Variants in SAV1 observed in about 807,000 individuals in gnomAD.
SAV1 encodes the protein salvador family WW domain containing protein 1.
Under a neutral mutation model 47.3 loss-of-function variants are expected in SAV1, and 23 were observed. That is an observed-to-expected ratio of 0.49 (90% confidence interval 0.35 to 0.69). SAV1 has a LOEUF of 0.69. Ranked by LOEUF, SAV1 falls within the 30% of genes least tolerant of loss-of-function variation. The pLI is 0.01. For synonymous variants in SAV1, 155 were observed against 159.2 expected (o/e 0.97, Z 0.20); for missense variants, 448 against 457.4 (o/e 0.98, Z 0.19).
intron 2 of SAV1, among the ~76,000 whole-genome samples, chr14:50,648,176 G>T (rs1244307900): frequency 6.6e-6 from 1 of 152,200 alleles, no homozygotes; most frequent in Non-Finnish European, 1.5e-5. Flanking sequence ...CATGCTGAGG[G>T]AAAGCAGCCA....
At chr14:50,650,230 C>T (rs1308763622) in intron 2 of SAV1, among the ~76,000 whole-genome samples, 1 of 152,200 alleles carries the variant, frequency 6.6e-6, no homozygotes, top group African/African-American at 2.4e-5. Context: ...ACTGCAGCAA[C>T]ATCTATAGTT....
chr14:50,656,070 G>C (rs141050715), intron 2 of SAV1, among the ~76,000 whole-genome samples: 1 of 152,062 alleles, frequency 6.6e-6, no homozygotes, highest in Admixed American at 6.6e-5. Context: ...AAACTATACA[G>C]GTTTAGAGCG....
chr14:50,645,815 AG>A (rs1214809096), intron 2 of SAV1, among the ~76,000 whole-genome samples: 1 of 152,184 alleles, frequency 6.6e-6, no homozygotes, highest in Non-Finnish European at 1.5e-5. Context: ...AGAATTATTA[AG>A]TAAGCTTAAG....
chr14:50,660,065 T>G (rs2039845858), intron 2 of SAV1, among the ~76,000 whole-genome samples: 1 of 152,212 alleles, frequency 6.6e-6, no homozygotes, highest in Non-Finnish European at 1.5e-5. Context: ...CAAACACTAC[T>G]GTAAAACCTA....
At chr14:50,642,694 G>A (rs1049699134) in intron 3 of SAV1, among the ~76,000 whole-genome samples, 1 of 152,108 alleles carries the variant, frequency 6.6e-6, no homozygotes, top group Non-Finnish European at 1.5e-5. Flanking sequence ...AAATGCATGT[G>A]TATATTAGAA....
chr14:50,647,706 G>A (rs1178549746), intron 2 of SAV1, among the ~76,000 whole-genome samples: 2 of 152,056 alleles, frequency 1.3e-5, no homozygotes, highest in Non-Finnish European at 2.9e-5. Flanking sequence ...ATAATTAGCC[G>A]TGAGAGAAAT....
At chr14:50,667,740 A>C (rs1309768750) in intron 1 of SAV1, 134 bp downstream of exon 1, 4 of 665,538 alleles carry the variant, frequency 6.0e-6, no homozygotes, top group Non-Finnish European at 1.0e-5. Context: ...CAGACACAAG[A>C]AAATCTCAAA....
At chr14:50,660,965 T>C (rs1246723064) in intron 2 of SAV1, among the ~76,000 whole-genome samples, 4 of 152,266 alleles carry the variant, frequency 2.6e-5, no homozygotes, top group African/African-American at 4.8e-5. Context: ...TTCCTTTAGA[T>C]AGATACCCAG....
chr14:50,654,096 G>C (rs1174197936), intron 2 of SAV1, among the ~76,000 whole-genome samples: 1 of 152,050 alleles, frequency 6.6e-6, no homozygotes, highest in East Asian at 1.9e-4. Flanking sequence ...TTGAAGGCTG[G>C]GATAGCTGTG....
At chr14:50,661,027 T>C (rs2039855582) in intron 2 of SAV1, among the ~76,000 whole-genome samples, 1 of 152,268 alleles carries the variant, frequency 6.6e-6, no homozygotes, top group Non-Finnish European at 1.5e-5. Context: ...TTCTGAGAAA[T>C]TTCCAAACTG....
Position 50,665,542 on chromosome 14 carries a change from T to G in SAV1, c.172A>C (p.Asn58His). Residue 58 changes from asparagine (N) to histidine (H), a missense_variant, in exon 2 of 5, where the codon AAT (asparagine) becomes CAT (histidine). By Grantham distance (68) the Asn-to-His change is moderately conservative. Transcript: ENST00000324679. ...TDICLPDSSP[N>H]AFSTSGDVVS... ...ACATCTCCAGAAGTTGAAAAGGCAT[T>G]AGGGCTTGAATCTGGAAGACAGATA... 3 of 1,614,094 alleles carry G rather than the reference T, an allele frequency of 1.9e-6. No homozygotes were observed. Among genetic ancestry groups the G allele is most frequent in the Non-Finnish European group, 2.5e-6 (3 of 1,179,954 alleles).
In SAV1 at chr14:50,660,920, G is replaced by A. The variant is rs1319778901; in HGVS notation, c.535+4259C>T. Among the ~76,000 whole-genome samples, 3 of 152,168 alleles carry A rather than the reference G, an allele frequency of 2.0e-5. No individual in the cohort carries two copies. The East Asian group carries it at 5.8e-4, about 29-fold the overall frequency. On this transcript the variant is annotated intron_variant, in intron 2 of 4. Transcript: ENST00000324679. The stretch of plus-strand genomic sequence containing the variant: ...TGCTGCAAATGACATGATAAACATG[G>A]GAGTGCAGGTATTTCTTTGATATAC...
chr14:50,660,961 T>C lies in SAV1; in HGVS notation c.535+4218A>G, dbSNP rs185753304. Among the ~76,000 whole-genome samples, 317 of 152,360 alleles carry C rather than the reference T, an allele frequency of 2.1e-3. 4 individuals are homozygous for C. The highest frequency in any genetic ancestry group is 0.012 in the South Asian group (56 of 4,826). On this transcript the variant is annotated intron_variant, in intron 2 of 4. Coordinates refer to ENST00000324679, the MANE Select transcript of SAV1 (RefSeq NM_021818.4). Reference sequence around the variant, plus strand: ...TTTGATATACTGATTTCTTTTCCTTTAGATAGATACCCAGCAGTGGAACTG... The same window carrying C: ...TTTGATATACTGATTTCTTTTCCTTCAGATAGATACCCAGCAGTGGAACTG...
At position 50,635,396 on chromosome 14, in the gene SAV1, C is replaced by A; in HGVS notation, c.951-12G>T. 1 of 1,606,580 alleles carries A rather than the reference C, an allele frequency of 6.2e-7. No individual in the cohort carries two copies. Among genetic ancestry groups the A allele is most frequent in the Non-Finnish European group, 8.5e-7 (1 of 1,173,288 alleles). ...GAATGTGGTCATATCTGTTTTAAAACACAATCATATATATGTTCACAACAC... is the reference window on the plus strand; with the variant it reads ...GAATGTGGTCATATCTGTTTTAAAAAACAATCATATATATGTTCACAACAC... On this transcript the variant is annotated splice_polypyrimidine_tract_variant and intron_variant, in intron 4 of 4. Transcript: ENST00000324679.
At chr14:50,646,685 C>CAAAAAA (rs78772724) in intron 2 of SAV1, among the ~76,000 whole-genome samples, 2 of 76,318 alleles carry the variant, frequency 2.6e-5, no homozygotes, top group Non-Finnish European at 5.3e-5. Context: ...AACTCTGTCT[C>CAAAAAA]AAAAAAAAAA....
chr14:50,650,841 A>G (rs542913908), intron 2 of SAV1, among the ~76,000 whole-genome samples: 8 of 152,244 alleles, frequency 5.3e-5, no homozygotes, highest in Middle Eastern at 3.4e-3. Context: ...GGCCAAGACG[A>G]CAAAACCCTA....
intron 4 of SAV1, among the ~76,000 whole-genome samples, chr14:50,636,580 G>A (rs1332226673): frequency 6.6e-6 from 1 of 152,156 alleles, no homozygotes; most frequent in African/African-American, 2.4e-5. Flanking sequence ...GTAGATCCCT[G>A]CTTAGCAGTA....
chr14:50,661,709 T>C (rs1175801665), intron 2 of SAV1, among the ~76,000 whole-genome samples: 3 of 152,230 alleles, frequency 2.0e-5, no homozygotes, highest in Non-Finnish European at 2.9e-5. Flanking sequence ...CCAATGCACG[T>C]TCTTGGTGCT....
chr14:50,663,364 A>C (rs1198155542), intron 2 of SAV1, among the ~76,000 whole-genome samples: 1 of 152,222 alleles, frequency 6.6e-6, no homozygotes, highest in African/African-American at 2.4e-5. Context: ...TTATTTTTAA[A>C]ACTTACTATT....
Sources: gnomAD v4.1 joint callset for allele counts (sites outside exome capture counted in the v4.1 genomes callset) on GRCh38, gnomAD v4.1.1 for gene constraint, MANE v1.5 for transcripts, NCBI Gene and HGNC (gene_info 2026-07-23, HGNC 2026-07-21) for gene names.